MYO10: variants seen among roughly 807,000 people sequenced by gnomAD.
MYO10 encodes the protein myosin X, also known as unconventional myosin-X.
In MYO10, 133 loss-of-function variants were observed where a neutral mutation model predicts 257.3. That is an observed-to-expected ratio of 0.52 (90% CI 0.45 to 0.60). The LOEUF (loss-of-function observed/expected upper bound fraction) is 0.60. MYO10 is among the 20% of genes least tolerant of loss of function. The pLI is 0.00. For synonymous variants in MYO10, 1,104 were observed against 1,028.6 expected, an observed-to-expected ratio of 1.07 and a Z score of -1.40; for missense variants, 2,399 against 2,635.7, an observed-to-expected ratio of 0.91 and a Z score of 1.97.
rs1240903892 is a variant in MYO10 at position 16,685,787 on chromosome 5, T to C, written c.3941A>G (p.Gln1314Arg). The C allele has an allele frequency of 4.5e-6, 7 of 1,563,318 alleles. No individual in the cohort carries two copies. The highest frequency in any genetic ancestry group is 6.1e-6 in the Non-Finnish European group (7 of 1,149,604). Residue 1314 changes from glutamine (Q) to arginine (R), a missense_variant, in exon 29 of 41, where the codon CAG becomes CGG. Coordinates refer to ENST00000513610, the MANE Select transcript of MYO10 (RefSeq NM_012334.3). ...CTCATCATGCATCTCCTGGATCTCC[T>C]GGTCCGTGGACGCGTGGACCTGACT... ...VLSQVHASTD[Q>R]EIQEMHDEQA...
chr5:16,895,993 C>T (rs930519335), intron 1 of MYO10, among the ~76,000 whole-genome samples: 2 of 152,296 alleles, frequency 1.3e-5, no homozygotes, highest in Non-Finnish European at 2.9e-5. Flanking sequence ...GGACTGCAGA[C>T]GACAGCCCCA....
chr5:16,688,148 A>C (rs1450153326), intron 28 of MYO10, among the ~76,000 whole-genome samples: 1 of 152,202 alleles, frequency 6.6e-6, no homozygotes, highest in South Asian at 2.1e-4. Context: ...TGGGCCACAA[A>C]CAACCACATG....
intron 40 of MYO10, among the ~76,000 whole-genome samples, chr5:16,667,021 C>T (rs1410792149): frequency 5.9e-5 from 9 of 152,212 alleles, no homozygotes; most frequent in Non-Finnish European, 1.2e-4. Flanking sequence ...GTGGCACAAA[C>T]GTGCCAACTT....
At chr5:16,725,745 A>G (rs1050171610) in intron 19 of MYO10, among the ~76,000 whole-genome samples, 4 of 151,596 alleles carry the variant, frequency 2.6e-5, no homozygotes, top group African/African-American at 7.3e-5. Context: ...CCTGAGTCAT[A>G]TCATACAGCA....
intron 17 of MYO10, among the ~76,000 whole-genome samples, chr5:16,761,138 C>G (rs1043697931): frequency 6.6e-6 from 1 of 152,076 alleles, no homozygotes; most frequent in Non-Finnish European, 1.5e-5. Flanking sequence ...TTACAGGTGC[C>G]TGCCACCATG....
intron 39 of MYO10, among the ~76,000 whole-genome samples, chr5:16,668,924 A>C (rs141548766): frequency 6.6e-6 from 1 of 152,308 alleles, no homozygotes; most frequent in Non-Finnish European, 1.5e-5. Context: ...TCACAGAGGA[A>C]AATTCTCCAA....
At chr5:16,848,987 CCT>C (rs1474162431) in intron 2 of MYO10, among the ~76,000 whole-genome samples, 2 of 152,210 alleles carry the variant, frequency 1.3e-5, no homozygotes, top group African/African-American at 4.8e-5. Context: ...ACAGGGTTTC[CCT>C]CTGTTGCCCA....
At chr5:16,888,732 A>C (rs1045840540) in intron 1 of MYO10, among the ~76,000 whole-genome samples, 1 of 151,878 alleles carries the variant, frequency 6.6e-6, no homozygotes, top group Non-Finnish European at 1.5e-5. Context: ...AGATAAGCCA[A>C]GACCCCCATC....
chr5:16,732,029 G>C (rs1293332398), intron 19 of MYO10, among the ~76,000 whole-genome samples: 2 of 152,190 alleles, frequency 1.3e-5, no homozygotes, highest in East Asian at 3.9e-4. Context: ...GAGGGGGTCT[G>C]TGTGAGGAAT....
At chr5:16,782,216 C>T (rs1459739246) in intron 5 of MYO10, among the ~76,000 whole-genome samples, 1 of 152,116 alleles carries the variant, frequency 6.6e-6, no homozygotes, top group East Asian at 1.9e-4. Context: ...GTCCCGGGGG[C>T]AACTCATTTA....
chr5:16,821,141 T>C (rs1246671395), intron 2 of MYO10, among the ~76,000 whole-genome samples: 1 of 147,856 alleles, frequency 6.8e-6, no homozygotes. Context: ...TGTATATGTA[T>C]GTATAAAATA....
At chr5:16,816,353 A>G (rs1293139527) in intron 3 of MYO10, among the ~76,000 whole-genome samples, 1 of 139,788 alleles carries the variant, frequency 7.2e-6, no homozygotes, top group Admixed American at 7.2e-5. Flanking sequence ...AAAAAAAAAA[A>G]GGCAAATACA....
intron 1 of MYO10, among the ~76,000 whole-genome samples, chr5:16,923,847 T>G (rs1287675743): frequency 1.3e-5 from 2 of 152,218 alleles, no homozygotes; most frequent in East Asian, 3.9e-4. Context: ...CCCAGCACTT[T>G]AGGAGGCCAA....
At chr5:16,850,357 T>C (rs981021728) in intron 2 of MYO10, among the ~76,000 whole-genome samples, 5 of 151,952 alleles carry the variant, frequency 3.3e-5, no homozygotes, top group African/African-American at 1.2e-4. Flanking sequence ...CACTGCAACC[T>C]CCACCTCCTG....
chr5:16,874,676 T>C (rs1744548679), intron 2 of MYO10, among the ~76,000 whole-genome samples: 1 of 152,196 alleles, frequency 6.6e-6, no homozygotes. Flanking sequence ...TTATCAGTAT[T>C]TCTGTCAATG....
chr5:16,924,648 A>G (rs1404295161), intron 1 of MYO10, among the ~76,000 whole-genome samples: 1 of 152,192 alleles, frequency 6.6e-6, no homozygotes, highest in African/African-American at 2.4e-5. Flanking sequence ...TGATACAGCC[A>G]CAGGAAGAAT....
chr5:16,765,974 A>T (rs1222844888), intron 11 of MYO10, 106 bp downstream of exon 11: 1 of 768,172 alleles, frequency 1.3e-6, no homozygotes, highest in African/African-American at 1.7e-5. Context: ...TTATTAATAT[A>T]TTACAGTTAC....
intron 19 of MYO10, among the ~76,000 whole-genome samples, chr5:16,715,475 T>C (rs1738821296): frequency 6.8e-6 from 1 of 147,050 alleles, no homozygotes; most frequent in Non-Finnish European, 1.5e-5. Flanking sequence ...TAATTTTGTA[T>C]TTTTAGTAGA....
chr5:16,681,232 G>T, intron 32 of MYO10, 77 bp downstream of exon 32: 1 of 1,417,942 alleles, frequency 7.1e-7, no homozygotes, highest in Non-Finnish European at 9.6e-7. Flanking sequence ...CACTAGGAAG[G>T]AATCTTATTC....
Sources: allele counts gnomAD v4.1 joint callset (sites outside exome capture counted in the v4.1 genomes callset), GRCh38; gene constraint gnomAD v4.1.1; transcripts MANE v1.5; gene names NCBI Gene and HGNC (gene_info 2026-07-23, HGNC 2026-07-21).